The following DOK5 variants were observed in gnomAD, a reference collection of about 807,000 sequenced individuals.
The protein encoded by DOK5 is downstream of tyrosine kinase 5.
In DOK5, 27 loss-of-function variants were observed where a neutral mutation model predicts 43.3. The ratio of observed to expected loss-of-function variants is 0.62; its 90% CI spans 0.46 to 0.86. The LOEUF is 0.86. DOK5 is among the 40% of genes least tolerant of loss of function. The pLI is 0.00. For missense variants in DOK5, 373 were observed against 392.9 expected, an observed-to-expected ratio of 0.95 and a Z score of 0.43; for synonymous variants, 146 against 140.1, an observed-to-expected ratio of 1.04 and a Z score of -0.30.
At chr20:54,622,209 A>AGAAAAAAT (rs537245317) in intron 6 of DOK5, among the ~76,000 whole-genome samples, 97 of 151,034 alleles carry the variant, frequency 6.4e-4, no homozygotes, top group Middle Eastern at 3.4e-3. Context: ...AAGAAAAAAT[A>AGAAAAAAT]AAAAAAATAA....
chr20:54,638,900 T>C (rs6023439), intron 6 of DOK5, among the ~76,000 whole-genome samples: 6 of 151,970 alleles, frequency 3.9e-5, no homozygotes, highest in African/African-American at 1.4e-4. Flanking sequence ...CCAGGCTGGT[T>C]TTGAACTCCT....
chr20:54,645,120 G>GTA (rs1979345622), intron 7 of DOK5, among the ~76,000 whole-genome samples: 2 of 149,552 alleles, frequency 1.3e-5, no homozygotes. Context: ...TAATGATGAG[G>GTA]TACAAGACCA....
At chr20:54,513,769 G>A (rs1600672959) in intron 1 of DOK5, among the ~76,000 whole-genome samples, 1 of 152,124 alleles carries the variant, frequency 6.6e-6, no homozygotes, top group South Asian at 2.1e-4. Flanking sequence ...GGGTAAAAAA[G>A]AAAACACAAT....
rs1444608353 is a variant in DOK5 at position 54,482,277 on chromosome 20, A to G, written c.66+6265A>G. 3.9e-5 allele frequency among the ~76,000 whole-genome samples: 6 copies of G among 152,224 alleles called. No individual in the cohort carries two copies. The South Asian group carries it at 1.2e-3, about 31-fold the overall frequency. On this transcript the variant is annotated intron_variant, in intron 1 of 7. Transcript: ENST00000262593. ...CTGTTTTCTTTTGTGGTAGAGAAGAAATTTTAAAAATTGGTCAGCTCACGG... is the reference window on the plus strand; with the variant it reads ...CTGTTTTCTTTTGTGGTAGAGAAGAGATTTTAAAAATTGGTCAGCTCACGG...
At chr20:54,536,642 C>T (rs944464554) in intron 1 of DOK5, among the ~76,000 whole-genome samples, 15 of 152,188 alleles carry the variant, frequency 9.9e-5, no homozygotes, top group African/African-American at 3.6e-4. Context: ...CAAAAGCCTG[C>T]TCTCCCTGGC....
chr20:54,561,554 G>T (rs189703907), intron 2 of DOK5, among the ~76,000 whole-genome samples: 1 of 152,192 alleles, frequency 6.6e-6, no homozygotes, highest in Non-Finnish European at 1.5e-5. Flanking sequence ...GCTCAGGGCT[G>T]GTCTGTTCTC....
intron 1 of DOK5, among the ~76,000 whole-genome samples, chr20:54,498,392 A>G (rs1982477708): frequency 1.3e-5 from 2 of 152,212 alleles, no homozygotes; most frequent in African/African-American, 4.8e-5. Context: ...TTCATATCCT[A>G]CTATGTTTAC....
chr20:54,515,170 C>T (rs561975847), intron 1 of DOK5, among the ~76,000 whole-genome samples: 5 of 152,002 alleles, frequency 3.3e-5, no homozygotes, highest in Non-Finnish European at 7.4e-5. Flanking sequence ...GCCACCACAC[C>T]CAGCTAAATT....
intron 1 of DOK5, among the ~76,000 whole-genome samples, chr20:54,520,795 C>T (rs930086416): frequency 4.0e-5 from 6 of 151,758 alleles, no homozygotes; most frequent in Admixed American, 3.9e-4. Flanking sequence ...CAAAACAAAC[C>T]AACAAAAAAC....
intron 1 of DOK5, among the ~76,000 whole-genome samples, chr20:54,487,325 G>A (rs943492802): frequency 1.3e-5 from 2 of 152,062 alleles, no homozygotes; most frequent in Non-Finnish European, 1.5e-5. Flanking sequence ...AGCTCACAGC[G>A]TCATGTTTCA....
At chr20:54,578,850 A>T (rs1001046760) in intron 2 of DOK5, among the ~76,000 whole-genome samples, 4 of 152,328 alleles carry the variant, frequency 2.6e-5, no homozygotes, top group African/African-American at 9.6e-5. Flanking sequence ...TGGGCAAAAA[A>T]GCACAAGGAA....
chr20:54,644,486 T>C (rs1165167137), intron 7 of DOK5, among the ~76,000 whole-genome samples: 1 of 151,512 alleles, frequency 6.6e-6, no homozygotes, highest in Non-Finnish European at 1.5e-5. Flanking sequence ...GGGCGGATCA[T>C]GAGGTCAGGA....
At chr20:54,516,570 C>T (rs1389150610) in intron 1 of DOK5, among the ~76,000 whole-genome samples, 1 of 152,122 alleles carries the variant, frequency 6.6e-6, no homozygotes, top group Non-Finnish European at 1.5e-5. Flanking sequence ...CTTATAACAT[C>T]CTGTGCTAAG....
intron 1 of DOK5, among the ~76,000 whole-genome samples, chr20:54,553,041 T>C (rs1984581725): frequency 1.3e-5 from 2 of 152,204 alleles, no homozygotes; most frequent in Non-Finnish European, 2.9e-5. Flanking sequence ...TTGTAGTACA[T>C]AAAATTTATT....
intron 1 of DOK5, among the ~76,000 whole-genome samples, chr20:54,476,351 C>T (rs781540856): frequency 1.3e-5 from 2 of 152,120 alleles, no homozygotes; most frequent in Non-Finnish European, 2.9e-5. Flanking sequence ...GCCGGATGCC[C>T]CCGGTTCCCC....
At chr20:54,567,956 T>C (rs559609356) in intron 2 of DOK5, among the ~76,000 whole-genome samples, 1 of 152,340 alleles carries the variant, frequency 6.6e-6, no homozygotes, top group East Asian at 1.9e-4. Context: ...GTTTTTAAAA[T>C]TGAGTATCTA....
chr20:54,615,996 G>A (rs1015874836), intron 6 of DOK5, among the ~76,000 whole-genome samples: 1 of 152,048 alleles, frequency 6.6e-6, no homozygotes, highest in Non-Finnish European at 1.5e-5. Flanking sequence ...AACTGATTTG[G>A]GACTTCTGGC....
At chr20:54,508,389 A>C (rs1276384579) in intron 1 of DOK5, among the ~76,000 whole-genome samples, 2 of 150,426 alleles carry the variant, frequency 1.3e-5, no homozygotes, top group Non-Finnish European at 3.0e-5. Context: ...TGTTCCAGGC[A>C]GACAGAATTG....
rs574676877 is a variant in DOK5 at position 54,549,391 on chromosome 20, T to C, written c.67-5542T>C. Among the ~76,000 whole-genome samples, 74 of 152,340 alleles carry C rather than the reference T, an allele frequency of 4.9e-4. 1 individual carries two copies. The South Asian group carries it at 0.013, about 26-fold the overall frequency. On this transcript the variant is annotated intron_variant, in intron 1 of 7. Transcript: ENST00000262593. ...CATTGCTCTCAACTTTGGTACTGTC[T>C]GCTTTTGTACCATGTGTTTGTATGT...
Sources: gnomAD v4.1 joint callset for allele counts (sites outside exome capture counted in the v4.1 genomes callset) on GRCh38, gnomAD v4.1.1 for gene constraint, MANE v1.5 for transcripts, NCBI Gene and HGNC (gene_info 2026-07-23, HGNC 2026-07-21) for gene names.